Variants in ZNF578 observed in about 807,000 individuals in gnomAD.
ZNF578 encodes the protein Putative chemokine-related protein B42.
ZNF578 carries 8 observed loss-of-function variants against 8.3 expected under a neutral mutation model. The ratio of observed to expected loss-of-function variants is 0.96; its 90% CI spans 0.56 to 1.74. The LOEUF (loss-of-function observed/expected upper bound fraction) is 1.74, where lower values mean the gene tolerates loss of function less well. Ranked by LOEUF, ZNF578 falls within the 40% of genes most tolerant of loss-of-function variation. The pLI is 0.00. For missense variants in ZNF578, 726 were observed against 707.5 expected, an observed-to-expected ratio of 1.03 and a Z score of -0.30; for synonymous variants, 206 against 232.2, an observed-to-expected ratio of 0.89 and a Z score of 1.03.
At position 52,496,474 on chromosome 19, in the gene ZNF578, C is replaced by T. The variant is rs527912000; in HGVS notation, c.-20+5049C>T. ...CCTCCCGAGTAGCTGGGACTACATGCGCCCGCCACCGCGCCCAGCTAATTT... is the reference window on the plus strand; with the variant it reads ...CCTCCCGAGTAGCTGGGACTACATGTGCCCGCCACCGCGCCCAGCTAATTT... On this transcript the variant is annotated intron_variant, in intron 3 of 5. Coordinates refer to ENST00000421239, the MANE Select transcript of ZNF578 (RefSeq NM_001099694.2). Among the ~76,000 whole-genome samples the T allele has an allele frequency of 5.9e-4, 86 of 146,052 alleles. 2 individuals are homozygous for T. Among genetic ancestry groups the T allele is most frequent in the African/African-American group, 2.0e-3 (77 of 39,242 alleles).
rs781705631 is a variant in ZNF578, at chr19:52,512,049, C to G, written c.1668C>G (p.Asn556Lys). ...TCATGTGCCATTCTTATCTGGCAAA[C>G]CATACTAGAATTCATAGCGGAGAGA... ...KAFMCHSYLA[N>K]HTRIHSGEKP... Residue 556 changes from asparagine to lysine, a missense_variant, in exon 6 of 6, where the codon AAC becomes AAG. Coordinates refer to ENST00000421239, the MANE Select transcript of ZNF578 (RefSeq NM_001099694.2). 3.5e-5 allele frequency: 57 copies of G among 1,612,734 alleles called. No homozygotes were observed. Among genetic ancestry groups the G allele is most frequent in the Non-Finnish European group, 3.1e-5 (37 of 1,179,706 alleles).
chr19:52,462,545 T>TA (rs1273640222), intron 2 of ZNF578, among the ~76,000 whole-genome samples: 1 of 152,216 alleles, frequency 6.6e-6, no homozygotes, highest in Non-Finnish European at 1.5e-5. Context: ...CAGGGAGACT[T>TA]ACCGTCATAG....
rs367763536 is a variant in ZNF578 at position 52,475,353 on chromosome 19, CTTT to C, written c.-121-15957_-121-15955del. The C allele has an allele frequency of 9.7e-4, 141 of 144,692 alleles. 5 individuals carry two copies. The highest frequency in any genetic ancestry group is 4.4e-3 in the South Asian group (23 of 5,250). The allele number at this position is 144,692 out of a possible 1,614,324, so 9.0% of individuals were successfully genotyped here. ...AATTTTTTCTTTCTTTTCTTTCTTT[CTTT>C]TTTTTTTTTTTTTGAGACAGAGTCT... On this transcript the variant is annotated intron_variant, in intron 2 of 5. Transcript: ENST00000421239.
intron 1 of ZNF578, chr19:52,453,964 C>T (rs774507799): frequency 6.6e-6 from 1 of 152,372 alleles, no homozygotes; most frequent in Non-Finnish European, 1.5e-5. Context: ...CCCGCAGTCT[C>T]GATGCATCAG....
chr19:52,485,890 G>A (rs1297934826), intron 2 of ZNF578, among the ~76,000 whole-genome samples: 2 of 152,164 alleles, frequency 1.3e-5, no homozygotes, highest in Non-Finnish European at 2.9e-5. Flanking sequence ...TTCTCCCCAT[G>A]TGACAGTCTG....
At chr19:52,467,682 C>T (rs1467180554) in intron 2 of ZNF578, among the ~76,000 whole-genome samples, 4 of 151,924 alleles carry the variant, frequency 2.6e-5, no homozygotes, top group African/African-American at 7.2e-5. Context: ...AAATCAAAGG[C>T]ACTCAAATGG....
intron 2 of ZNF578, among the ~76,000 whole-genome samples, chr19:52,467,027 T>C (rs2122784259): frequency 6.6e-6 from 1 of 152,046 alleles, no homozygotes; most frequent in Admixed American, 6.5e-5. Flanking sequence ...TTTTTTTTTT[T>C]TGAGACAGAG....
At position 52,497,113 on chromosome 19, in the gene ZNF578, A is replaced by G. The variant is rs371823591; in HGVS notation, c.-19-4714A>G. On this transcript the variant is annotated intron_variant, in intron 3 of 5. Transcript: ENST00000421239. ...AGGCCTGGCTATTGTTTAGATATAT[A>G]TATTTATTTGTTGAGACTCTCTGTC... 1.1e-3 allele frequency among the ~76,000 whole-genome samples: 164 copies of G among 148,632 alleles called. 1 individual carries two copies. The highest frequency in any genetic ancestry group is 3.8e-3 in the African/African-American group (155 of 40,328).
At chr19:52,456,412 A>C (rs1349521382) in intron 1 of ZNF578, 1 of 152,212 alleles carries the variant, frequency 6.6e-6, no homozygotes, top group East Asian at 1.9e-4. Context: ...TGTAGGTTCA[A>C]GCGCAGTGTC....
rs66824085 is a variant in ZNF578 at position 52,499,689 on chromosome 19, G to GTTTTTTTTTTTTTTTTTTTTTTTTTTTT, written c.-19-2125_-19-2124insTTTTTTTTTTTTTTTTTTTTTTTTTTTT. 8.5e-5 allele frequency among the ~76,000 whole-genome samples: 12 copies of GTTTTTTTTTTTTTTTTTTTTTTTTTTTT among 141,596 alleles called. 2 individuals are homozygous for GTTTTTTTTTTTTTTTTTTTTTTTTTTTT. Among genetic ancestry groups the GTTTTTTTTTTTTTTTTTTTTTTTTTTTT allele is most frequent in the Admixed American group, 2.9e-4 (4 of 13,996 alleles). 92.9% of individuals were successfully genotyped at this position (141,596 alleles called of 152,430 possible). ...TGAGAAGATACATCACTTCCAAATC[G>GTTTTTTTTTTTTTTTTTTTTTTTTTTTT]TTTTTTTTTTTTTGAGATGAATTTT... On this transcript the variant is annotated intron_variant, in intron 3 of 5. Transcript: ENST00000421239.
intron 1 of ZNF578, chr19:52,456,463 T>A (rs192113711): frequency 2.7e-4 from 41 of 152,222 alleles, no homozygotes; most frequent in African/African-American, 8.0e-4. Flanking sequence ...AACATCAGGG[T>A]GCTGTGTCTT....
At chr19:52,468,198 T>C in intron 2 of ZNF578, among the ~76,000 whole-genome samples, 1 of 152,320 alleles carries the variant, frequency 6.6e-6, no homozygotes, top group African/African-American at 2.4e-5. Flanking sequence ...CTTAATACCA[T>C]AATCAAAAAT....
At chr19:52,481,613 G>A (rs1339750942) in intron 2 of ZNF578, among the ~76,000 whole-genome samples, 1 of 152,116 alleles carries the variant, frequency 6.6e-6, no homozygotes, top group Non-Finnish European at 1.5e-5. Flanking sequence ...TCCCTATTCA[G>A]CCCAAGGACA....
In ZNF578 at chr19:52,513,915, C is replaced by T. The variant is rs1375069665; in HGVS notation, c.*1761C>T. Among the ~76,000 whole-genome samples, 1 of 151,990 alleles carries T rather than the reference C, an allele frequency of 6.6e-6. No homozygotes were observed. The highest frequency in any genetic ancestry group is 1.9e-4 in the East Asian group (1 of 5,190). On this transcript the variant is annotated 3_prime_UTR_variant, in exon 6 of 6. Transcript: ENST00000421239. ...GGGTGTGCACCTTTAGTTCCAGCTA[C>T]TTGGGACACTGAGGCATGAGAATCA...
chr19:52,494,671 CT>C (rs1367923890), intron 3 of ZNF578, among the ~76,000 whole-genome samples: 3 of 152,080 alleles, frequency 2.0e-5, no homozygotes, highest in Non-Finnish European at 4.4e-5. Flanking sequence ...TTCTATAAAT[CT>C]TGGTATCAGA....
chr19:52,457,423 A>T (rs1266547125), intron 2 of ZNF578: 1 of 152,164 alleles, frequency 6.6e-6, no homozygotes, highest in Admixed American at 6.5e-5. Flanking sequence ...TATCCTTTAT[A>T]ATAAACTGGT....
intron 3 of ZNF578, among the ~76,000 whole-genome samples, chr19:52,496,478 C>T (rs1171481379): frequency 9.6e-5 from 14 of 146,130 alleles, no homozygotes; most frequent in African/African-American, 2.5e-4. Context: ...TACATGCGCC[C>T]GCCACCGCGC....
chr19:52,509,688 A>G (rs652226), intron 5 of ZNF578, among the ~76,000 whole-genome samples: 28,458 of 151,964 alleles, frequency 0.19, 2,923 homozygotes, highest in Non-Finnish European at 0.23. Context: ...AATCACTTCA[A>G]CCCAGCAGGC....
intron 3 of ZNF578, among the ~76,000 whole-genome samples, chr19:52,495,669 C>T (rs887179568): frequency 2.1e-4 from 32 of 150,354 alleles, no homozygotes; most frequent in Non-Finnish European, 4.0e-4. Context: ...ACGTTGTTTT[C>T]TCTGTTTATA....
Sources: allele counts gnomAD v4.1 joint callset (sites outside exome capture counted in the v4.1 genomes callset), GRCh38; gene constraint gnomAD v4.1.1; transcripts MANE v1.5; gene names NCBI Gene and HGNC (gene_info 2026-07-23, HGNC 2026-07-21).